ULK4: variants seen among roughly 807,000 people sequenced by gnomAD.
The protein encoded by ULK4 is inactive serine/threonine-protein kinase ULK4.
ULK4 carries 133 observed loss-of-function variants against 160.6 expected under a neutral mutation model. The ratio of observed to expected loss-of-function variants is 0.83; its 90% CI spans 0.72 to 0.96. The LOEUF (loss-of-function observed/expected upper bound fraction) is 0.96, where lower values mean the gene tolerates loss of function less well. Ranked by LOEUF, ULK4 falls within the 40% of genes least tolerant of loss-of-function variation. ULK4 has a pLI of 0.00. For synonymous variants in ULK4, 534 were observed against 539.8 expected, an observed-to-expected ratio of 0.99 and a Z score of 0.15; for missense variants, 1,580 against 1,499.5, an observed-to-expected ratio of 1.05 and a Z score of -0.89.
Position 41,861,954 on chromosome 3 carries a change from G to C in ULK4, c.1656+21920C>G, listed in dbSNP as rs765925244. Among the ~76,000 whole-genome samples, 192 of 152,058 alleles carry C rather than the reference G, an allele frequency of 1.3e-3. 1 individual carries two copies. Among genetic ancestry groups the C allele is most frequent in the East Asian group, 3.9e-4 (2 of 5,154 alleles). ...CTCCCACCACAGCTTCCAGAGTACA[G>C]GCTCACACTATCACACCCAGCTAAT... On this transcript the variant is annotated intron_variant, in intron 17 of 36. Transcript: ENST00000301831.
rs1443172503 is a variant in ULK4, at chr3:41,911,334, T to C, written c.1068A>G (p.Glu356=). 2 of 1,614,066 alleles carry C rather than the reference T, an allele frequency of 1.2e-6. No individual in the cohort carries two copies. The highest frequency in any genetic ancestry group is 2.2e-5 in the South Asian group (2 of 91,020). Residue 356 remains glutamate, a synonymous_variant, in exon 11 of 37, where the codon GAA becomes GAG. Coordinates refer to ENST00000301831, the MANE Select transcript of ULK4 (RefSeq NM_017886.4). ...TTACCTACCTGAGAAGAAACATGGA[T>C]TCATTCAATTGACCCTCAAGAGTAC... ...PKSTLEGQLN[E]SMFLLSSRPT... is the part of the protein sequence containing the mutation.
At chr3:41,849,445 C>T (rs941823349) in intron 17 of ULK4, among the ~76,000 whole-genome samples, 1 of 151,900 alleles carries the variant, frequency 6.6e-6, no homozygotes, top group African/African-American at 2.4e-5. Context: ...AAAGGCAACG[C>T]CATGAAGACG....
chr3:41,848,714 G>A (rs1368777583), intron 17 of ULK4, among the ~76,000 whole-genome samples: 1 of 152,126 alleles, frequency 6.6e-6, no homozygotes, highest in Non-Finnish European at 1.5e-5. Flanking sequence ...GAGAGTCCAG[G>A]TCCAGAAACC....
chr3:41,860,023 C>T (rs560197855), intron 17 of ULK4, among the ~76,000 whole-genome samples: 1 of 152,084 alleles, frequency 6.6e-6, no homozygotes, highest in South Asian at 2.1e-4. Context: ...ATATTGTTTA[C>T]TTTCCATGTA....
At chr3:41,857,186 C>T (rs539636303) in intron 17 of ULK4, among the ~76,000 whole-genome samples, 9 of 152,156 alleles carry the variant, frequency 5.9e-5, no homozygotes, top group Admixed American at 2.0e-4. Flanking sequence ...CAGCACAAAC[C>T]TGGTTTCTGT....
intron 32 of ULK4, among the ~76,000 whole-genome samples, chr3:41,558,328 A>G (rs1040030510): frequency 5.9e-5 from 9 of 152,154 alleles, no homozygotes; most frequent in African/African-American, 2.2e-4. Flanking sequence ...ACTGTTGGCA[A>G]TATTTATCAC....
chr3:41,795,222 C>A (rs1403085128), intron 20 of ULK4, among the ~76,000 whole-genome samples: 1 of 152,180 alleles, frequency 6.6e-6, no homozygotes, highest in Non-Finnish European at 1.5e-5. Context: ...TAACCTCAGT[C>A]TTTAATAAAT....
intron 30 of ULK4, among the ~76,000 whole-genome samples, chr3:41,626,574 G>A (rs2033519892): frequency 6.8e-6 from 1 of 147,218 alleles, no homozygotes; most frequent in African/African-American, 2.5e-5. Flanking sequence ...CACCCAGGCT[G>A]GAGTGCAGTG....
intron 18 of ULK4, among the ~76,000 whole-genome samples, chr3:41,824,665 A>C (rs932715033): frequency 6.6e-6 from 1 of 152,204 alleles, no homozygotes; most frequent in African/African-American, 2.4e-5. Context: ...CAAAGCAGCC[A>C]GGAAGCTCGA....
At chr3:41,764,639 T>C (rs1033268714) in intron 21 of ULK4, among the ~76,000 whole-genome samples, 1 of 152,220 alleles carries the variant, frequency 6.6e-6, no homozygotes, top group African/African-American at 2.4e-5. Context: ...TATTGAGTGA[T>C]AATAGTGCAC....
chr3:41,718,427 A>C (rs1275772575), intron 22 of ULK4, among the ~76,000 whole-genome samples: 13 of 152,196 alleles, frequency 8.5e-5, no homozygotes, highest in Admixed American at 6.5e-4. Flanking sequence ...AACTACTGGC[A>C]TTCTTTAAAC....
At chr3:41,699,595 G>A (rs949844397) in intron 27 of ULK4, among the ~76,000 whole-genome samples, 3 of 152,158 alleles carry the variant, frequency 2.0e-5, no homozygotes, top group Non-Finnish European at 4.4e-5. Flanking sequence ...GAGCTAAATG[G>A]TCTAAAACTC....
At position 41,921,561 on chromosome 3, in the gene ULK4, G is replaced by A. The variant is rs142988060; in HGVS notation, c.542-1743C>T. Among the ~76,000 whole-genome samples, 282 of 152,146 alleles carry A rather than the reference G, an allele frequency of 1.9e-3. 4 individuals are homozygous for A. In the East Asian group the frequency reaches 0.047, roughly 26 times the overall value. ...ACCCAGGAGGCGGAGTTTGCAGTGA[G>A]CCGAGATGGCACCACTGCACTCCAG... On this transcript the variant is annotated intron_variant, in intron 5 of 36. Coordinates refer to ENST00000301831, the MANE Select transcript of ULK4 (RefSeq NM_017886.4).
chr3:41,595,606 T>A (rs1166697859), intron 31 of ULK4, among the ~76,000 whole-genome samples: 2 of 152,112 alleles, frequency 1.3e-5, no homozygotes, highest in Non-Finnish European at 2.9e-5. Flanking sequence ...ACCAAGAAGT[T>A]GTACTAGGGA....
At chr3:41,256,845 A>G (rs1163668177) in intron 35 of ULK4, among the ~76,000 whole-genome samples, 1 of 152,234 alleles carries the variant, frequency 6.6e-6, no homozygotes. Context: ...TATCAAGAAC[A>G]TAAAAGTAAC....
intron 18 of ULK4, among the ~76,000 whole-genome samples, chr3:41,832,866 G>A (rs767330526): frequency 6.6e-6 from 1 of 152,130 alleles, no homozygotes; most frequent in Non-Finnish European, 1.5e-5. Flanking sequence ...TTATTTCTGA[G>A]GTCTCTGTTC....
Position 41,717,748 on chromosome 3 carries a change from T to C in ULK4, c.2435A>G (p.Gln812Arg), listed in dbSNP as rs1294157916. The change falls in exon 23 of 37, where the codon CAG becomes CGG. Residue 812 changes from glutamine (Q) to arginine (R), a missense_variant. Gln to Arg is a conservative substitution (Grantham distance 43). Coordinates refer to ENST00000301831, the MANE Select transcript of ULK4 (RefSeq NM_017886.4). ...TTTACCCAGGATTCGTGGCAGCTCC[T>C]GCACAATGTGACAGATGAGAAGATC... ...CLDLLICHIV[Q>R]ELPRILGDIL... 1 of 1,613,918 alleles carries C rather than the reference T, an allele frequency of 6.2e-7. No individual in the cohort carries two copies. Among genetic ancestry groups the C allele is most frequent in the Admixed American group, 1.7e-5 (1 of 59,992 alleles).
chr3:41,609,071 G>A (rs1476650996), intron 31 of ULK4, among the ~76,000 whole-genome samples: 2 of 152,086 alleles, frequency 1.3e-5, no homozygotes, highest in Non-Finnish European at 2.9e-5. Context: ...ACTGGCTTGG[G>A]AGAAGTTACA....
intron 5 of ULK4, among the ~76,000 whole-genome samples, chr3:41,923,345 A>G (rs1184238488): frequency 1.3e-5 from 2 of 151,960 alleles, no homozygotes; most frequent in Non-Finnish European, 2.9e-5. Flanking sequence ...CTAAAAATAC[A>G]AAAATTAGCT....
Sources: allele counts gnomAD v4.1 joint callset (sites outside exome capture counted in the v4.1 genomes callset), GRCh38; gene constraint gnomAD v4.1.1; transcripts MANE v1.5; gene names NCBI Gene and HGNC (gene_info 2026-07-23, HGNC 2026-07-21).